The following AUH variants were observed in gnomAD, a reference collection of about 807,000 sequenced individuals.
The protein encoded by AUH is methylglutaconyl-CoA hydratase, mitochondrial.
AUH carries 29 observed loss-of-function variants against 42.3 expected under a neutral mutation model. The ratio of observed to expected loss-of-function variants is 0.69; its 90% confidence interval spans 0.51 to 0.93. The LOEUF (loss-of-function observed/expected upper bound fraction) is 0.93. AUH is among the 40% of genes least tolerant of loss of function. The pLI is 0.00. For missense variants in AUH, 452 were observed against 438.1 expected (o/e 1.03, Z -0.28); for synonymous variants, 174 against 166.4 (o/e 1.05, Z -0.35).
At chr9:91,280,742 A>G (rs1024005154) in intron 6 of AUH, among the ~76,000 whole-genome samples, 2 of 152,190 alleles carry the variant, frequency 1.3e-5, no homozygotes, top group Non-Finnish European at 2.9e-5. Context: ...CCAGTGGGCT[A>G]GGCCCCTTGG....
At position 91,361,831 on chromosome 9, in the gene AUH, G is replaced by T; in HGVS notation, c.59C>A (p.Ala20Asp). Residue 20 changes from alanine (A) to aspartate (D), a missense_variant, in exon 1 of 10, where the codon GCC becomes GAC. Ala to Asp is a moderately radical substitution (Grantham distance 126). Coordinates refer to ENST00000375731, the MANE Select transcript of AUH (RefSeq NM_001698.3). ...GALGSLHAGG[A>D]RLVAACSAWL... ...CGCACTGCAAGCGGCCACCAGGCGGGCGCCGCCAGCATGCAGGGATCCCAA... is the reference window on the plus strand; with the variant it reads ...CGCACTGCAAGCGGCCACCAGGCGGTCGCCGCCAGCATGCAGGGATCCCAA... The T allele has an allele frequency of 6.7e-7, 1 of 1,502,994 alleles. No homozygotes were observed. The highest frequency in any genetic ancestry group is 2.7e-5 in the East Asian group (1 of 36,422). The allele number at this position is 1,502,994 out of a possible 1,614,324, so 93.1% of individuals were successfully genotyped here.
At chr9:91,278,698 AGCCC>A (rs1303592503) in intron 6 of AUH, among the ~76,000 whole-genome samples, 2 of 152,220 alleles carry the variant, frequency 1.3e-5, no homozygotes, top group South Asian at 2.1e-4. Flanking sequence ...AATGAATCAT[AGCCC>A]TTCCTCTTCC....
intron 6 of AUH, among the ~76,000 whole-genome samples, chr9:91,227,734 C>A (rs987355003): frequency 6.6e-6 from 1 of 151,886 alleles, no homozygotes; most frequent in African/African-American, 2.4e-5. Flanking sequence ...CCCATCAATA[C>A]CTAATTTATT....
chr9:91,324,952 A>C, intron 4 of AUH, among the ~76,000 whole-genome samples: 1 of 152,200 alleles, frequency 6.6e-6, no homozygotes, highest in Middle Eastern at 3.4e-3. Flanking sequence ...AAATAAATTG[A>C]TAGTTACTGT....
chr9:91,286,609 A>C (rs1391685350), intron 6 of AUH, among the ~76,000 whole-genome samples: 4 of 152,098 alleles, frequency 2.6e-5, no homozygotes, highest in Non-Finnish European at 4.4e-5. Context: ...TGAAACATGC[A>C]GCATTGACAT....
rs56410690 is a variant in AUH, at chr9:91,322,705, C to T, written c.505+2613G>A. On this transcript the variant is annotated intron_variant, in intron 4 of 9. Coordinates refer to ENST00000375731, the MANE Select transcript of AUH (RefSeq NM_001698.3). Reference sequence around the variant, plus strand: ...TCATTCTATGAAGACAAATAACCTTCACACCAAACCAAAAAAGAATAACAC... The same window carrying T: ...TCATTCTATGAAGACAAATAACCTTTACACCAAACCAAAAAAGAATAACAC... 5.6e-3 allele frequency among the ~76,000 whole-genome samples: 856 copies of T among 152,238 alleles called. 6 individuals are homozygous for T. Among genetic ancestry groups the T allele is most frequent in the African/African-American group, 0.019 (803 of 41,544 alleles).
intron 8 of AUH, among the ~76,000 whole-genome samples, chr9:91,217,047 G>T (rs1450322488): frequency 1.3e-5 from 2 of 152,122 alleles, no homozygotes; most frequent in African/African-American, 4.8e-5. Context: ...TAAGCTTCAG[G>T]GCACTGGTAA....
chr9:91,285,662 C>G (rs1826345166), intron 6 of AUH, among the ~76,000 whole-genome samples: 1 of 152,028 alleles, frequency 6.6e-6, no homozygotes, highest in African/African-American at 2.4e-5. Context: ...CTACATAAAC[C>G]TGTTTATTCC....
intron 6 of AUH, among the ~76,000 whole-genome samples, chr9:91,254,057 T>C (rs1455950671): frequency 6.6e-6 from 1 of 152,190 alleles, no homozygotes; most frequent in Non-Finnish European, 1.5e-5. Context: ...TACTTAAAGA[T>C]TGATCCATAA....
chr9:91,360,048 A>T (rs1009175099), intron 1 of AUH, among the ~76,000 whole-genome samples: 1 of 151,828 alleles, frequency 6.6e-6, no homozygotes, highest in African/African-American at 2.4e-5. Flanking sequence ...ACCCAAAAAA[A>T]TTTTCGTTTA....
intron 6 of AUH, among the ~76,000 whole-genome samples, chr9:91,290,604 T>C (rs1238563905): frequency 6.6e-6 from 1 of 152,190 alleles, no homozygotes; most frequent in African/African-American, 2.4e-5. Flanking sequence ...GCAGCCACTA[T>C]TGCAGAGGAC....
chr9:91,296,152 G>A, intron 5 of AUH, 75 bp from the exon 6 acceptor site: 2 of 1,385,914 alleles, frequency 1.4e-6, no homozygotes, highest in Non-Finnish European at 2.0e-6. Context: ...AAAGTTATGA[G>A]ATATACTAAA....
intron 3 of AUH, among the ~76,000 whole-genome samples, chr9:91,325,726 T>C (rs900126783): frequency 5.9e-5 from 9 of 152,204 alleles, no homozygotes; most frequent in Admixed American, 4.6e-4. Flanking sequence ...AACTAAGAAA[T>C]TGTTTAAATG....
intron 3 of AUH, among the ~76,000 whole-genome samples, chr9:91,332,816 T>C (rs915202484): frequency 6.6e-6 from 1 of 152,188 alleles, no homozygotes; most frequent in African/African-American, 2.4e-5. Context: ...ATGGGTCATG[T>C]ACAAAAAATG....
At chr9:91,346,395 G>A (rs1469677542) in intron 3 of AUH, among the ~76,000 whole-genome samples, 1 of 152,156 alleles carries the variant, frequency 6.6e-6, no homozygotes, top group African/African-American at 2.4e-5. Flanking sequence ...TGGATGTGCT[G>A]GGTAAGTGGC....
intron 6 of AUH, among the ~76,000 whole-genome samples, chr9:91,237,536 C>T (rs1225862113): frequency 6.6e-6 from 1 of 152,158 alleles, no homozygotes; most frequent in African/African-American, 2.4e-5. Flanking sequence ...TTCAAAATTA[C>T]AAGGTGGTTC....
chr9:91,239,750 C>T (rs1222457406), intron 6 of AUH, among the ~76,000 whole-genome samples: 1 of 150,358 alleles, frequency 6.7e-6, no homozygotes, highest in African/African-American at 2.4e-5. Flanking sequence ...CACACGCACA[C>T]ACACACATGC....
Position 91,250,449 on chromosome 9 carries a change from T to G in AUH, c.656-29457A>C, listed in dbSNP as rs377617673. Among the ~76,000 whole-genome samples, 2 of 152,242 alleles carry G rather than the reference T, an allele frequency of 1.3e-5. 1 individual carries two copies. The highest frequency in any genetic ancestry group is 3.8e-4 in the East Asian group (2 of 5,196). On this transcript the variant is annotated intron_variant, in intron 6 of 9. Coordinates refer to ENST00000375731, the MANE Select transcript of AUH (RefSeq NM_001698.3). ...GAGGATCAGTTACAGCAGGAGAACTTGCCCCTTGCCTTTTCCACACACGGA... is the reference window on the plus strand; with the variant it reads ...GAGGATCAGTTACAGCAGGAGAACTGGCCCCTTGCCTTTTCCACACACGGA...
At chr9:91,295,761 TAGTGTAAAC>T (rs1247329772) in intron 6 of AUH, among the ~76,000 whole-genome samples, 1 of 152,266 alleles carries the variant, frequency 6.6e-6, no homozygotes, top group African/African-American at 2.4e-5. Context: ...AGACTGCAGA[TAGTGTAAAC>T]ATAACTTTTA....
Sources: allele counts gnomAD v4.1 joint callset (sites outside exome capture counted in the v4.1 genomes callset), GRCh38; gene constraint gnomAD v4.1.1; transcripts MANE v1.5; gene names NCBI Gene and HGNC (gene_info 2026-07-23, HGNC 2026-07-21).